The following OTUD3 variants were observed in gnomAD, a reference collection of about 807,000 sequenced individuals.
The protein encoded by OTUD3 is OTU domain-containing protein 3.
A neutral mutation model predicts 46.2 loss-of-function variants in OTUD3; 24 were observed. The ratio of observed to expected loss-of-function variants is 0.52; its 90% CI spans 0.38 to 0.73. OTUD3 has a LOEUF of 0.73. OTUD3 is among the 30% of genes least tolerant of loss of function. The pLI, the probability that OTUD3 is intolerant of heterozygous loss-of-function variation, is 0.00. For synonymous variants in OTUD3, 189 were observed against 195.4 expected, an observed-to-expected ratio of 0.97 and a Z score of 0.27; for missense variants, 455 against 523.3, an observed-to-expected ratio of 0.87 and a Z score of 1.27.
chr1:19,894,180 A>G (rs2045486855), intron 2 of OTUD3, among the ~76,000 whole-genome samples, 188 bp from the exon 3 acceptor site: 1 of 152,120 alleles, frequency 6.6e-6, no homozygotes, highest in Non-Finnish European at 1.5e-5. Flanking sequence ...ATGAATGACT[A>G]GTGTTCTTCT....
At chr1:19,903,883 T>G (rs1257753266) in intron 4 of OTUD3, among the ~76,000 whole-genome samples, 2 of 152,192 alleles carry the variant, frequency 1.3e-5, no homozygotes, top group Admixed American at 6.5e-5. Flanking sequence ...CCAGCACCGT[T>G]TTTGTGCAAA....
intron 2 of OTUD3, among the ~76,000 whole-genome samples, chr1:19,893,631 A>G (rs2045479020): frequency 6.6e-6 from 1 of 152,210 alleles, no homozygotes; most frequent in South Asian, 2.1e-4. Flanking sequence ...CTGATGCCAG[A>G]TGTGGTGGAG....
chr1:19,897,941 C>T, intron 4 of OTUD3: 1 of 212,948 alleles, frequency 4.7e-6, no homozygotes. Context: ...TAAAATTAAT[C>T]CACACCTTTT....
chr1:19,907,597 C>T lies in OTUD3; in HGVS notation c.1048C>T (p.Gln350Ter), dbSNP rs2045679672. 1 of 1,613,998 alleles carries T rather than the reference C, an allele frequency of 6.2e-7. No individual in the cohort carries two copies. The highest frequency in any genetic ancestry group is 1.3e-5 in the African/African-American group (1 of 74,906). ...KVTNKQRREQ[Q>*]WMEKKKRQEE... Reference sequence around the variant, plus strand: ...CACAAACAAACAGAGGCGAGAACAGCAGTGGATGGAGAAGAAGAAGCGGCA... The same window carrying T: ...CACAAACAAACAGAGGCGAGAACAGTAGTGGATGGAGAAGAAGAAGCGGCA... Residue 350 changes from glutamine to a stop codon, truncating the protein, a stop_gained, in exon 8 of 8, where the codon CAG becomes TAG. Coordinates refer to ENST00000375120, the MANE Select transcript of OTUD3 (RefSeq NM_015207.2). LOFTEE classifies it high-confidence loss of function.
intron 1 of OTUD3, among the ~76,000 whole-genome samples, chr1:19,889,498 G>A (rs888291683): frequency 2.0e-5 from 3 of 152,158 alleles, no homozygotes; most frequent in Non-Finnish European, 4.4e-5. Context: ...ACAGTTGGGT[G>A]TAAAACTGGA....
chr1:19,906,004 A>G (rs566241234), intron 6 of OTUD3, among the ~76,000 whole-genome samples: 3 of 152,336 alleles, frequency 2.0e-5, no homozygotes, highest in South Asian at 2.1e-4. Context: ...CACATGAGCA[A>G]TGAGACTGGA....
intron 1 of OTUD3, among the ~76,000 whole-genome samples, chr1:19,887,088 T>G (rs1386184146): frequency 1.3e-5 from 2 of 150,236 alleles, no homozygotes; most frequent in African/African-American, 4.9e-5. Flanking sequence ...TTTTCTTTTT[T>G]TTTTTTTTTT....
In OTUD3 at chr1:19,906,576, C is replaced by T. The variant is rs879357470; in HGVS notation, c.980C>T (p.Pro327Leu). 15 of 1,612,934 alleles carry T rather than the reference C, an allele frequency of 9.3e-6. No homozygotes were observed. Among genetic ancestry groups the T allele is most frequent in the Non-Finnish European group, 1.3e-5 (15 of 1,179,836 alleles). Reference protein sequence around the residue: ...RTENNKAQASPSEENKANKNQ... With the variant: ...RTENNKAQASLSEENKANKNQ... ...GAAAACAATAAGGCACAGGCCAGCC[C>T]TAGTGAAGAAAACAAAGCAAATAAA... Residue 327 changes from proline (P) to leucine (L), a missense_variant, in exon 7 of 8, where the codon CCT becomes CTT. Transcript: ENST00000375120.
At chr1:19,906,337 A>AG in intron 6 of OTUD3, 95 bp from the exon 7 acceptor site, 1 of 1,086,022 alleles carries the variant, frequency 9.2e-7, no homozygotes, top group Admixed American at 2.8e-5. Flanking sequence ...TTATGACTGA[A>AG]GTAGGGACCC....
Position 19,904,286 on chromosome 1 carries a change from A to G in OTUD3, c.626A>G (p.Asp209Gly). 6.2e-7 allele frequency: 1 copy of G among 1,604,644 alleles called. No individual in the cohort carries two copies. The highest frequency in any genetic ancestry group is 8.5e-7 in the Non-Finnish European group (1 of 1,176,452). ...CTTTAGTTTCAGATGCTTCATCAAG[A>G]TGAATCAAATAAAAGAGAAAAGATC... ...LQTDFQMLHQDESNKREKIKT... is the reference protein window; with the variant it reads ...LQTDFQMLHQGESNKREKIKT... The change falls in exon 5 of 8, where the codon GAT (aspartate) becomes GGT (glycine). Residue 209 changes from aspartate (D) to glycine (G), a missense_variant. Coordinates refer to ENST00000375120, the MANE Select transcript of OTUD3 (RefSeq NM_015207.2).
chr1:19,892,289 G>C (rs761931177), intron 2 of OTUD3, among the ~76,000 whole-genome samples: 2 of 152,224 alleles, frequency 1.3e-5, no homozygotes, highest in East Asian at 1.9e-4. Flanking sequence ...TTGTGTGTCA[G>C]TTGAAGGCTT....
chr1:19,889,917 G>T (rs2045424099), intron 1 of OTUD3, among the ~76,000 whole-genome samples: 1 of 152,044 alleles, frequency 6.6e-6, no homozygotes, highest in African/African-American at 2.4e-5. Flanking sequence ...CTATTTTTTG[G>T]GTACTATTTG....
Position 19,904,930 on chromosome 1 carries a change from TATA to T in OTUD3, c.782_784del (p.Asn261del), listed in dbSNP as rs1557681622. Reference sequence around the variant, plus strand: ...AGTCCAGAACCTGGAAGCTGAAAATTATAATATTGAATCTGCAATAATTGCCGT... The same window carrying T: ...AGTCCAGAACCTGGAAGCTGAAAATTATATTGAATCTGCAATAATTGCCGT... On this transcript the variant is annotated inframe_deletion, in exon 6 of 8. Coordinates refer to ENST00000375120, the MANE Select transcript of OTUD3 (RefSeq NM_015207.2). The T allele has an allele frequency of 1.9e-6, 3 of 1,598,024 alleles. No homozygotes were observed. Among genetic ancestry groups the T allele is most frequent in the Non-Finnish European group, 2.6e-6 (3 of 1,166,320 alleles).
intron 6 of OTUD3, among the ~76,000 whole-genome samples, chr1:19,905,297 C>G (rs1255513427): frequency 6.6e-6 from 1 of 151,948 alleles, no homozygotes; most frequent in East Asian, 1.9e-4. Context: ...ATAAGATGGC[C>G]TTAGAAGACC....
At chr1:19,903,040 CTTTTT>C (rs36114504) in intron 4 of OTUD3, among the ~76,000 whole-genome samples, 12 of 58,048 alleles carry the variant, frequency 2.1e-4, no homozygotes, top group South Asian at 8.8e-4. Flanking sequence ...AATCTTTTCT[CTTTTT>C]TTTTTTTTTT....
intron 4 of OTUD3, among the ~76,000 whole-genome samples, chr1:19,903,240 C>T (rs1229418454): frequency 2.0e-5 from 3 of 151,604 alleles, no homozygotes; most frequent in East Asian, 1.9e-4. Flanking sequence ...TTTGTAGAGA[C>T]GGGATGTCAC....
chr1:19,906,548 A>C lies in OTUD3; in HGVS notation c.952A>C (p.Thr318Pro). 1 of 1,613,840 alleles carries C rather than the reference A, an allele frequency of 6.2e-7. No homozygotes were observed. The highest frequency in any genetic ancestry group is 8.5e-7 in the Non-Finnish European group (1 of 1,179,994). ...AAATCAGGGCTTAAATGAAGGCAGG[A>C]CCGAAAACAATAAGGCACAGGCCAG... is the stretch of plus-strand genomic sequence containing the variant. ...FGNQGLNEGR[T>P]ENNKAQASPS... The change falls in exon 7 of 8, where the codon ACC (threonine) becomes CCC (proline). Residue 318 changes from threonine to proline, a missense_variant. Transcript: ENST00000375120.
In OTUD3 at chr1:19,904,339, G is replaced by T. The variant is rs754522313; in HGVS notation, c.679G>T (p.Asp227Tyr). The change falls in exon 5 of 8, where the codon GAC becomes TAC. Residue 227 changes from aspartate (D) to tyrosine (Y), a missense_variant. Transcript: ENST00000375120. The stretch of plus-strand genomic sequence containing the variant: ...GACAAAGGGAATGGACTCTGAAGAC[G>T]ACCTGAGAGATGAAGTAGAGGATGC... ...IKTKGMDSED[D>Y]LRDEVEDAVQ... is the part of the protein sequence containing the mutation. 3.1e-6 allele frequency: 5 copies of T among 1,612,676 alleles called. No homozygotes were observed. Among genetic ancestry groups the T allele is most frequent in the Non-Finnish European group, 4.2e-6 (5 of 1,179,000 alleles).
chr1:19,882,637 G>A lies in OTUD3; in HGVS notation c.124G>A (p.Glu42Lys). 6.8e-7 allele frequency: 1 copy of A among 1,462,482 alleles called. No homozygotes were observed. The highest frequency in any genetic ancestry group is 1.3e-5 in the South Asian group (1 of 74,774). 90.6% of individuals were successfully genotyped at this position (1,462,482 alleles called of 1,614,324 possible). A position where few individuals can be genotyped will look rare whatever the true frequency, so the allele number is the denominator to read the frequency against. Residue 42 changes from glutamate (E) to lysine (K), a missense_variant, in exon 1 of 8, where the codon GAG becomes AAG. By Grantham distance (56) the Glu-to-Lys change is moderately conservative. Coordinates refer to ENST00000375120, the MANE Select transcript of OTUD3 (RefSeq NM_015207.2). ...ALAKERRNRP[E>K]SGGGGGCEEE... ...GGCCAAGGAGCGGCGGAATCGGCCG[G>A]AGTCTGGCGGCGGCGGCGGCTGCGA...
Sources: allele counts gnomAD v4.1 joint callset (sites outside exome capture counted in the v4.1 genomes callset), GRCh38; gene constraint gnomAD v4.1.1; transcripts MANE v1.5; gene names NCBI Gene and HGNC (gene_info 2026-07-23, HGNC 2026-07-21).